The following IPO11 variants were observed in gnomAD, a reference collection of about 807,000 sequenced individuals.
The protein encoded by IPO11 is importin 11.
Under a neutral mutation model 143.2 loss-of-function variants are expected in IPO11, and 66 were observed. The ratio of observed to expected loss-of-function variants is 0.46; its 90% confidence interval spans 0.38 to 0.57. The LOEUF is 0.57. Among genes scored for constraint, IPO11 ranks in the 20% least tolerant of loss-of-function variants. The pLI, the probability that IPO11 is intolerant of heterozygous loss-of-function variation, is 0.00. For missense variants in IPO11, 1,026 were observed against 1,141.0 expected (o/e 0.90, Z 1.45); for synonymous variants, 385 against 377.8 (o/e 1.02, Z -0.22).
At chr5:62,595,443 A>G (rs928828788) in intron 28 of IPO11, among the ~76,000 whole-genome samples, 18 of 152,224 alleles carry the variant, frequency 1.2e-4, no homozygotes, top group Admixed American at 8.5e-4. Context: ...CCTGTAGCCT[A>G]TGCTTATTTT....
chr5:62,523,821 G>A (rs1044119345), intron 20 of IPO11, among the ~76,000 whole-genome samples: 1 of 152,158 alleles, frequency 6.6e-6, no homozygotes, highest in African/African-American at 2.4e-5. Flanking sequence ...AGATATGATA[G>A]ATTTGTATAT....
chr5:62,486,129 C>G (rs985506883), intron 12 of IPO11, among the ~76,000 whole-genome samples: 1 of 151,470 alleles, frequency 6.6e-6, no homozygotes, highest in Non-Finnish European at 1.5e-5. Context: ...TACAGGCGCC[C>G]GCCACCACGC....
At chr5:62,464,762 C>T (rs367831010) in intron 5 of IPO11, among the ~76,000 whole-genome samples, 10 of 152,280 alleles carry the variant, frequency 6.6e-5, no homozygotes, top group East Asian at 3.9e-4. Flanking sequence ...CATGAGCCAT[C>T]GCGCCTGGTC....
At chr5:62,454,750 G>C (rs1024146691) in intron 5 of IPO11, among the ~76,000 whole-genome samples, 1 of 152,198 alleles carries the variant, frequency 6.6e-6, no homozygotes, top group South Asian at 2.1e-4. Flanking sequence ...ATTCACTACA[G>C]TGTAGCTTTT....
intron 24 of IPO11, among the ~76,000 whole-genome samples, chr5:62,538,807 A>C (rs1742826687): frequency 6.6e-6 from 1 of 152,218 alleles, no homozygotes; most frequent in African/African-American, 2.4e-5. Context: ...TTCCCAGAAC[A>C]TATCCCTGTT....
chr5:62,436,939 A>G (rs1353806750), intron 1 of IPO11, among the ~76,000 whole-genome samples: 2 of 152,232 alleles, frequency 1.3e-5, no homozygotes, highest in African/African-American at 2.4e-5. Flanking sequence ...AGAAGACATT[A>G]TGCTTAGTCT....
At chr5:62,488,707 T>C (rs1184652399) in intron 13 of IPO11, among the ~76,000 whole-genome samples, 2 of 152,054 alleles carry the variant, frequency 1.3e-5, no homozygotes, top group Non-Finnish European at 2.9e-5. Context: ...GAGCATGTTG[T>C]CAGAATGAGT....
intron 15 of IPO11, among the ~76,000 whole-genome samples, chr5:62,491,261 A>G (rs532990956): frequency 2.6e-5 from 4 of 152,224 alleles, no homozygotes; most frequent in Admixed American, 6.5e-5. Flanking sequence ...AACAGTAAGT[A>G]GCTGTTTATC....
chr5:62,468,339 C>T (rs531230930), intron 6 of IPO11, among the ~76,000 whole-genome samples: 4 of 152,336 alleles, frequency 2.6e-5, no homozygotes, highest in African/African-American at 9.6e-5. Flanking sequence ...GGAATCCCAT[C>T]AGTCTTGGCA....
chr5:62,536,807 A>G (rs913381312), intron 23 of IPO11, 26 bp downstream of exon 23: 1 of 1,460,222 alleles, frequency 6.8e-7, no homozygotes, highest in African/African-American at 1.5e-5. Flanking sequence ...TTTGCATTAT[A>G]TGAAATTATA....
At chr5:62,512,601 TTTTTAA>T (rs1336392123) in intron 19 of IPO11, 24 of 560,978 alleles carry the variant, frequency 4.3e-5, no homozygotes, top group Non-Finnish European at 7.3e-5. Context: ...TGTTGTTTTC[TTTTTAA>T]TTTTATTTTT....
At chr5:62,425,099 C>G (rs1475693777) in intron 1 of IPO11, among the ~76,000 whole-genome samples, 1 of 152,142 alleles carries the variant, frequency 6.6e-6, no homozygotes, top group South Asian at 2.1e-4. Flanking sequence ...ACTCTCTAGG[C>G]TCCCATTCAT....
chr5:62,534,509 AAAAT>A (rs1742670314), intron 22 of IPO11, among the ~76,000 whole-genome samples: 1 of 152,240 alleles, frequency 6.6e-6, no homozygotes, highest in Non-Finnish European at 1.5e-5. Flanking sequence ...AGTAGATTAT[AAAAT>A]AAAATCACAC....
At chr5:62,514,194 G>T (rs1741913035) in intron 19 of IPO11, among the ~76,000 whole-genome samples, 1 of 152,068 alleles carries the variant, frequency 6.6e-6, no homozygotes, top group Non-Finnish European at 1.5e-5. Context: ...CGGGGTGGCG[G>T]CCGGGCAGGG....
chr5:62,602,451 T>C (rs1435505742), intron 29 of IPO11, among the ~76,000 whole-genome samples: 3 of 152,222 alleles, frequency 2.0e-5, no homozygotes, highest in Admixed American at 1.3e-4. Flanking sequence ...TTCCCTTTTC[T>C]TTTGGAATCT....
At chr5:62,626,501 G>A (rs1580406515) in intron 29 of IPO11, among the ~76,000 whole-genome samples, 1 of 152,256 alleles carries the variant, frequency 6.6e-6, no homozygotes, top group East Asian at 1.9e-4. Flanking sequence ...CTGGGTCCAG[G>A]TGTGTTTTAT....
chr5:62,447,439 G>C (rs948770469), intron 3 of IPO11, among the ~76,000 whole-genome samples: 2 of 152,246 alleles, frequency 1.3e-5, no homozygotes, highest in Admixed American at 6.5e-5. Context: ...CTGTGGTCAT[G>C]AAAATACTCT....
chr5:62,582,492 T>A lies in IPO11; in HGVS notation c.2583-9085T>A, dbSNP rs563199345. 5.3e-5 allele frequency among the ~76,000 whole-genome samples: 8 copies of A among 152,246 alleles called. No homozygotes were observed. The East Asian group carries it at 1.5e-3, about 29-fold the overall frequency. On this transcript the variant is annotated intron_variant, in intron 27 of 29. Transcript: ENST00000325324. ...GATTGAATCTGAGGTTCTTATTAGA[T>A]CTCCACATGGAAATATATATCATGC...
intron 27 of IPO11, among the ~76,000 whole-genome samples, chr5:62,578,429 CA>C (rs1180287149): frequency 6.6e-6 from 1 of 151,886 alleles, no homozygotes; most frequent in Non-Finnish European, 1.5e-5. Context: ...AAAAAGTTTA[CA>C]AAAAATTGTA....
Sources: allele counts gnomAD v4.1 joint callset (sites outside exome capture counted in the v4.1 genomes callset), GRCh38; gene constraint gnomAD v4.1.1; transcripts MANE v1.5; gene names NCBI Gene and HGNC (gene_info 2026-07-23, HGNC 2026-07-21).